Variants in IL22RA1 observed in about 807,000 individuals in gnomAD.
IL22RA1 encodes the protein interleukin 22 receptor subunit alpha 1.
IL22RA1 carries 25 observed loss-of-function variants against 32.8 expected under a neutral mutation model. That is an observed-to-expected ratio of 0.76 (90% CI 0.55 to 1.06). IL22RA1 has a LOEUF of 1.06. IL22RA1 is among the 50% of genes least tolerant of loss of function. The pLI is 0.00. For synonymous variants in IL22RA1, 305 were observed against 305.0 expected (o/e 1.00, Z 0.00); for missense variants, 709 against 727.4 (o/e 0.97, Z 0.29).
At chr1:24,140,865 C>G (rs536629115) in intron 1 of IL22RA1, among the ~76,000 whole-genome samples, 8 of 152,216 alleles carry the variant, frequency 5.3e-5, no homozygotes, top group Non-Finnish European at 1.0e-4. Context: ...GGGTGTGTGT[C>G]TTGAATATGT....
At chr1:24,124,661 C>T (rs1644149113) in intron 5 of IL22RA1, among the ~76,000 whole-genome samples, 1 of 152,072 alleles carries the variant, frequency 6.6e-6, no homozygotes. Context: ...ATCAATAGCT[C>T]CAATGACCTC....
chr1:24,128,243 C>G lies in IL22RA1; in HGVS notation c.568G>C (p.Gly190Arg). Residue 190 changes from glycine to arginine, a missense_variant, in exon 5 of 7, where the codon GGC (glycine) becomes CGC (arginine). Coordinates refer to ENST00000270800, the MANE Select transcript of IL22RA1 (RefSeq NM_021258.4). ...GGKQREYEFFGLTPDTEFLGT... is the reference protein window; with the variant it reads ...GGKQREYEFFRLTPDTEFLGT... ...AGGAACTCTGTGTCAGGGGTCAGGCCGAAGAACTCATATTCTCTCTGCTTC... is the reference window on the plus strand; with the variant it reads ...AGGAACTCTGTGTCAGGGGTCAGGCGGAAGAACTCATATTCTCTCTGCTTC... 1 of 1,611,552 alleles carries G rather than the reference C, an allele frequency of 6.2e-7. No individual in the cohort carries two copies. The highest frequency in any genetic ancestry group is 8.5e-7 in the Non-Finnish European group (1 of 1,178,826).
rs1331045729 is a variant in IL22RA1, at chr1:24,121,757, G to A, written c.793-20C>T. 6.8e-6 allele frequency: 10 copies of A among 1,464,596 alleles called. No homozygotes were observed. Among genetic ancestry groups the A allele is most frequent in the Non-Finnish European group, 9.1e-6 (10 of 1,101,156 alleles). The allele number at this position is 1,464,596 out of a possible 1,614,324, so 90.7% of individuals were successfully genotyped here. On this transcript the variant is annotated intron_variant, in intron 6 of 6. Transcript: ENST00000270800. ...GACGTTCTGTGCAGGGACGACAACA[G>A]TCACCCCCCTGTGGTTAGGGTAAGT...
At chr1:24,122,712 C>A (rs1416635066) in intron 6 of IL22RA1, among the ~76,000 whole-genome samples, 1 of 151,762 alleles carries the variant, frequency 6.6e-6, no homozygotes, top group Non-Finnish European at 1.5e-5. Context: ...GCAGGAGAAT[C>A]GCTTGAACTC....
intron 1 of IL22RA1, among the ~76,000 whole-genome samples, chr1:24,139,093 G>T (rs1644263330): frequency 6.6e-6 from 1 of 152,178 alleles, no homozygotes; most frequent in Non-Finnish European, 1.5e-5. Flanking sequence ...AAAAGAAACT[G>T]CATGCCCATT....
In IL22RA1 at chr1:24,122,146, G is replaced by A. The variant is rs562978450; in HGVS notation, c.793-409C>T. 9.9e-5 allele frequency among the ~76,000 whole-genome samples: 15 copies of A among 152,260 alleles called. No homozygotes were observed. The South Asian group carries it at 1.4e-3, about 15-fold the overall frequency. On this transcript the variant is annotated intron_variant, in intron 6 of 6. Transcript: ENST00000270800. ...GGAAAAGAAGGAGCCAGGAGAGACC[G>A]GGAGAGCTTTACAGAAAATGCTTCA...
chr1:24,135,513 G>A (rs191266766), intron 3 of IL22RA1, among the ~76,000 whole-genome samples: 194 of 152,180 alleles, frequency 1.3e-3, no homozygotes, highest in Non-Finnish European at 2.2e-3. Context: ...ATCGTCACAC[G>A]CTTAGCTTGT....
Position 24,126,708 on chromosome 1 carries a change from A to G in IL22RA1, c.670+1433T>C, listed in dbSNP as rs143567576. Among the ~76,000 whole-genome samples, 887 of 152,326 alleles carry G rather than the reference A, an allele frequency of 5.8e-3. 5 individuals carry two copies. Among genetic ancestry groups the G allele is most frequent in the Middle Eastern group, 0.034 (10 of 294 alleles). On this transcript the variant is annotated intron_variant, in intron 5 of 6. Coordinates refer to ENST00000270800, the MANE Select transcript of IL22RA1 (RefSeq NM_021258.4). Reference sequence around the variant, plus strand: ...AAGTGGAGACTGTTTTACCAAATCTATCACATCCACTGCCGTCACCTTCAT... The same window carrying G: ...AAGTGGAGACTGTTTTACCAAATCTGTCACATCCACTGCCGTCACCTTCAT...
chr1:24,128,771 C>T (rs1449317174), intron 4 of IL22RA1, among the ~76,000 whole-genome samples: 1 of 152,220 alleles, frequency 6.6e-6, no homozygotes, highest in Non-Finnish European at 1.5e-5. Context: ...TAGCCTCTTT[C>T]ATGGTCGCCC....
Position 24,120,421 on chromosome 1 carries a change from T to C in IL22RA1, c.*384A>G, listed in dbSNP as rs2148568440. The C allele has an allele frequency of 5.7e-6, 1 of 175,276 alleles. No homozygotes were observed. The highest frequency in any genetic ancestry group is 1.2e-5 in the Non-Finnish European group (1 of 83,712). 10.9% of individuals were successfully genotyped at this position (175,276 alleles called of 1,614,324 possible). On this transcript the variant is annotated 3_prime_UTR_variant, in exon 7 of 7. Transcript: ENST00000270800. ...GCTCTGTCGAGCTAGATTGTGAAAC[T>C]GGCCAGGAATGGGGCAAGGAGAGGC... is the stretch of plus-strand genomic sequence containing the variant.
At chr1:24,135,598 A>G (rs563131437) in intron 3 of IL22RA1, among the ~76,000 whole-genome samples, 3 of 152,340 alleles carry the variant, frequency 2.0e-5, no homozygotes, top group Admixed American at 6.5e-5. Context: ...GGTAATTTAT[A>G]AAGGAAAGAG....
At position 24,134,270 on chromosome 1, in the gene IL22RA1, C is replaced by G; in HGVS notation, c.472G>C (p.Asp158His). The G allele has an allele frequency of 6.2e-7, 1 of 1,611,472 alleles. No individual in the cohort carries two copies. The highest frequency in any genetic ancestry group is 8.5e-7 in the Non-Finnish European group (1 of 1,178,744). The change falls in exon 4 of 7, where the codon GAC (aspartate) becomes CAC (histidine). Residue 158 changes from aspartate to histidine, a missense_variant. Asp to His is a moderately conservative substitution (Grantham distance 81). Coordinates refer to ENST00000270800, the MANE Select transcript of IL22RA1 (RefSeq NM_021258.4). ...AGDGHRLTLE[D>H]IFHDLFYHLE... is the part of the protein sequence containing the mutation. ...TGGTAGAACAGGTCATGGAAGATGTCTTCCAGGGTTAGCCGGTGGCCATCG... is the reference window on the plus strand; with the variant it reads ...TGGTAGAACAGGTCATGGAAGATGTGTTCCAGGGTTAGCCGGTGGCCATCG...
At position 24,120,948 on chromosome 1, in the gene IL22RA1, T is replaced by A. The variant is rs1347564169; in HGVS notation, c.1582A>T (p.Ser528Cys). ...AGGGACTCCAGCAGGCCCCAGGGAC[T>A]TGGACCTTGGTCCGAGGGGGAACAT... Reference protein sequence around the residue: ...RPCSPSDQGPSPWGLLESLVC... With the variant: ...RPCSPSDQGPCPWGLLESLVC... The change falls in exon 7 of 7, where the codon AGT (serine) becomes TGT (cysteine). Residue 528 changes from serine (S) to cysteine (C), a missense_variant. By Grantham distance (112) the Ser-to-Cys change is moderately radical. Transcript: ENST00000270800. 5 of 1,614,196 alleles carry A rather than the reference T, an allele frequency of 3.1e-6. No individual in the cohort carries two copies. In the East Asian group the frequency reaches 1.1e-4, roughly 36 times the overall value.
At chr1:24,136,628 C>A (rs1644244287) in intron 3 of IL22RA1, among the ~76,000 whole-genome samples, 1 of 152,202 alleles carries the variant, frequency 6.6e-6, no homozygotes, top group African/African-American at 2.4e-5. Context: ...AGAAGCTTGG[C>A]TGCTCGATGC....
intron 6 of IL22RA1, among the ~76,000 whole-genome samples, chr1:24,122,373 T>C (rs1644130444): frequency 1.3e-5 from 2 of 151,210 alleles, no homozygotes; most frequent in African/African-American, 2.4e-5. Context: ...TTTATTTTTA[T>C]TTTTTGGGTG....
intron 4 of IL22RA1, among the ~76,000 whole-genome samples, chr1:24,133,332 A>G (rs898283399): frequency 3.3e-5 from 5 of 151,912 alleles, no homozygotes; most frequent in Non-Finnish European, 7.4e-5. Context: ...CCACCTCCCA[A>G]TACCCATATT....
chr1:24,131,944 A>T (rs1210201968), intron 4 of IL22RA1, among the ~76,000 whole-genome samples: 1 of 152,260 alleles, frequency 6.6e-6, no homozygotes, highest in Non-Finnish European at 1.5e-5. Context: ...GAATTAAATT[A>T]GAAATCAACA....
rs757272300 is a variant in IL22RA1, at chr1:24,134,284, C to T, written c.458G>A (p.Arg153Gln). 3.2e-5 allele frequency: 52 copies of T among 1,610,122 alleles called. No individual in the cohort carries two copies. The highest frequency in any genetic ancestry group is 3.3e-4 in the Middle Eastern group (2 of 6,066). ...PTPIRAGDGH[R>Q]LTLEDIFHDL... is the part of the protein sequence containing the mutation. Reference sequence around the variant, plus strand: ...ATGGAAGATGTCTTCCAGGGTTAGCCGGTGGCCATCGCCTGCACGGATTGG... The same window carrying T: ...ATGGAAGATGTCTTCCAGGGTTAGCTGGTGGCCATCGCCTGCACGGATTGG... Residue 153 changes from arginine to glutamine, a missense_variant, in exon 4 of 7, where the codon CGG (arginine) becomes CAG (glutamine). Transcript: ENST00000270800.
intron 6 of IL22RA1, among the ~76,000 whole-genome samples, chr1:24,122,929 A>G (rs66733943): frequency 0.19 from 29,367 of 152,204 alleles, 3,211 homozygotes; most frequent in Middle Eastern, 0.29. Context: ...GCATTCCCAC[A>G]TGGTGGTGCC....
Sources: allele counts gnomAD v4.1 joint callset (sites outside exome capture counted in the v4.1 genomes callset), GRCh38; gene constraint gnomAD v4.1.1; transcripts MANE v1.5; gene names NCBI Gene and HGNC (gene_info 2026-07-23, HGNC 2026-07-21).